UBE2Q2: variants seen among roughly 807,000 people sequenced by gnomAD.
The protein encoded by UBE2Q2 is ubiquitin conjugating enzyme E2 Q2.
Under a neutral mutation model 59.9 loss-of-function variants are expected in UBE2Q2, and 54 were observed. That is an observed-to-expected ratio of 0.90 (90% CI 0.72 to 1.13). The LOEUF (loss-of-function observed/expected upper bound fraction) is 1.13. UBE2Q2 is among the 50% of genes most tolerant of loss of function. The probability of loss-of-function intolerance (pLI) is 0.00; values close to 1 mark genes in which losing one functional copy is unlikely to be tolerated. For missense variants in UBE2Q2, 433 were observed against 441.9 expected, an observed-to-expected ratio of 0.98 and a Z score of 0.18; for synonymous variants, 165 against 155.2, an observed-to-expected ratio of 1.06 and a Z score of -0.47.
At chr15:75,846,468 T>G (rs888079260) in intron 1 of UBE2Q2, among the ~76,000 whole-genome samples, 2 of 152,088 alleles carry the variant, frequency 1.3e-5, no homozygotes, top group Non-Finnish European at 2.9e-5. Context: ...GAACTCCACC[T>G]CAAGCTCCCA....
chr15:75,896,908 T>G (rs1899455332), intron 11 of UBE2Q2, 87 bp from the exon 12 acceptor site: 1 of 771,388 alleles, frequency 1.3e-6, no homozygotes. Flanking sequence ...CATGTTCTTT[T>G]AAGCACAGTG....
At chr15:75,873,643 A>T in intron 5 of UBE2Q2, 75 bp downstream of exon 5, 1 of 1,488,682 alleles carries the variant, frequency 6.7e-7, no homozygotes, top group Non-Finnish European at 9.1e-7. Flanking sequence ...CAATTCATTA[A>T]CATGCCCATC....
chr15:75,867,742 G>A (rs1567026461), intron 3 of UBE2Q2, among the ~76,000 whole-genome samples: 1 of 152,130 alleles, frequency 6.6e-6, no homozygotes, highest in Non-Finnish European at 1.5e-5. Flanking sequence ...GAGAGCTTTT[G>A]AAAAACAGAT....
chr15:75,877,813 A>G lies in UBE2Q2; in HGVS notation c.674-148A>G, dbSNP rs1319847699. ...AGGGCATAAGATACTCAGCTGCAGT[A>G]GTGTAATATTTACTATATAGCTTAG... On this transcript the variant is annotated intron_variant, in intron 6 of 12. Transcript: ENST00000267938. 5.5e-6 allele frequency: 3 copies of G among 540,886 alleles called. No individual in the cohort carries two copies. The African/African-American group carries it at 5.9e-5, about 11-fold the overall frequency. 33.5% of individuals were successfully genotyped at this position (540,886 alleles called of 1,614,324 possible). A position where few individuals can be genotyped will look rare whatever the true frequency, so the allele number is the denominator to read the frequency against.
intron 2 of UBE2Q2, among the ~76,000 whole-genome samples, chr15:75,856,269 GTATATATATATA>G (rs60490503): frequency 7.2e-6 from 1 of 139,266 alleles, no homozygotes; most frequent in Non-Finnish European, 1.5e-5. Flanking sequence ...GTGTGTGTGT[GTATATATATATA>G]TATATATATA....
intron 3 of UBE2Q2, among the ~76,000 whole-genome samples, chr15:75,862,036 G>A (rs1166217268): frequency 6.6e-6 from 1 of 152,226 alleles, no homozygotes; most frequent in African/African-American, 2.4e-5. Flanking sequence ...TCTCCAAGAG[G>A]ATAGTCAGTT....
chr15:75,857,672 C>A (rs528720147), intron 2 of UBE2Q2, among the ~76,000 whole-genome samples: 1 of 151,776 alleles, frequency 6.6e-6, no homozygotes, highest in East Asian at 1.9e-4. Context: ...TTGAAACATT[C>A]CTGCATTCTT....
chr15:75,899,394 T>C (rs1387594365), intron 12 of UBE2Q2, 33 bp from the exon 13 acceptor site: 4 of 1,519,968 alleles, frequency 2.6e-6, no homozygotes, highest in Non-Finnish European at 3.6e-6. Flanking sequence ...ATTTAAGAAT[T>C]ATTTTAACTT....
intron 1 of UBE2Q2, among the ~76,000 whole-genome samples, chr15:75,854,017 A>G (rs1320187463): frequency 6.6e-6 from 1 of 152,188 alleles, no homozygotes; most frequent in Non-Finnish European, 1.5e-5. Context: ...TTTGTAGCCT[A>G]ATCTCAGAAG....
intron 2 of UBE2Q2, among the ~76,000 whole-genome samples, chr15:75,856,719 G>A (rs1156708032): frequency 2.0e-5 from 3 of 152,172 alleles, no homozygotes; most frequent in Non-Finnish European, 2.9e-5. Flanking sequence ...CCAGGCAGGC[G>A]GATCAGTTGA....
chr15:75,860,063 A>G (rs1897132300), intron 3 of UBE2Q2, 81 bp downstream of exon 3: 2 of 988,456 alleles, frequency 2.0e-6, no homozygotes, highest in Non-Finnish European at 1.5e-6. Context: ...TTTTCTTTTT[A>G]TTGTTCAACT....
At position 75,843,555 on chromosome 15, in the gene UBE2Q2, G is replaced by T; in HGVS notation, c.-112G>T. The T allele has an allele frequency of 1.4e-6, 1 of 712,792 alleles. No individual in the cohort carries two copies. The allele number at this position is 712,792 out of a possible 1,614,324, so 44.2% of individuals were successfully genotyped here. On this transcript the variant is annotated 5_prime_UTR_variant, in exon 1 of 13. Coordinates refer to ENST00000267938, the MANE Select transcript of UBE2Q2 (RefSeq NM_173469.4). ...CGACGAGGCGGAGCCGCGAGAGCGC[G>T]GCCCAGGCCGGCCCCGCGGGGCGGT...
intron 1 of UBE2Q2, among the ~76,000 whole-genome samples, chr15:75,848,420 T>A (rs1896468038): frequency 6.6e-6 from 1 of 152,210 alleles, no homozygotes; most frequent in African/African-American, 2.4e-5. Flanking sequence ...CTTTCCAAAT[T>A]GAATTCATGG....
At position 75,854,373 on chromosome 15, in the gene UBE2Q2, C is replaced by G. The variant is rs1025442061; in HGVS notation, c.181-13C>G. On this transcript the variant is annotated splice_polypyrimidine_tract_variant and intron_variant, in intron 1 of 12. Transcript: ENST00000267938. ...GTATGTAAATGTTTAACATGTGTCT[C>G]TGTGTTAAACAGGAATCCTATCCAT... 6.3e-7 allele frequency: 1 copy of G among 1,596,902 alleles called. No individual in the cohort carries two copies. Among genetic ancestry groups the G allele is most frequent in the Non-Finnish European group, 8.6e-7 (1 of 1,167,992 alleles).
At chr15:75,846,011 T>C (rs765556655) in intron 1 of UBE2Q2, among the ~76,000 whole-genome samples, 3 of 152,216 alleles carry the variant, frequency 2.0e-5, no homozygotes, top group Non-Finnish European at 4.4e-5. Context: ...CAGGAGATAA[T>C]TATCATGGCA....
intron 1 of UBE2Q2, chr15:75,844,159 G>C: frequency 7.0e-7 from 1 of 1,434,334 alleles, no homozygotes; most frequent in Non-Finnish European, 9.1e-7. Context: ...TGGGGTCCAT[G>C]GCCGCCCTCA....
At position 75,890,968 on chromosome 15, in the gene UBE2Q2, C is replaced by T; in HGVS notation, c.983C>T (p.Ala328Val). Residue 328 changes from alanine (A) to valine (V), a missense_variant, in exon 11 of 13, where the codon GCC becomes GTC. Physicochemically the swap from Ala to Val is moderately conservative, Grantham distance 64. Transcript: ENST00000267938. ...SIESVIMQIN[A>V]TLVKGKARVQ... ...GAATCGGTCATCATGCAAATAAATG[C>T]CACCTTAGTCAAAGGCAAAGCCAGA... The T allele has an allele frequency of 2.5e-6, 4 of 1,612,324 alleles. No individual in the cohort carries two copies. The highest frequency in any genetic ancestry group is 3.4e-6 in the Non-Finnish European group (4 of 1,179,916).
intron 6 of UBE2Q2, among the ~76,000 whole-genome samples, chr15:75,876,519 A>G (rs1019961326): frequency 6.6e-6 from 1 of 152,208 alleles, no homozygotes; most frequent in Admixed American, 6.5e-5. Context: ...TTCTTGATAA[A>G]CAGTGAACTC....
At chr15:75,844,605 G>T (rs1896226522) in intron 1 of UBE2Q2, 1 of 1,149,864 alleles carries the variant, frequency 8.7e-7, no homozygotes, top group Non-Finnish European at 1.2e-6. Flanking sequence ...TCACAAAGCC[G>T]AAAAGACACT....
Sources: allele counts gnomAD v4.1 joint callset (sites outside exome capture counted in the v4.1 genomes callset), GRCh38; gene constraint gnomAD v4.1.1; transcripts MANE v1.5; gene names NCBI Gene and HGNC (gene_info 2026-07-23, HGNC 2026-07-21).